Variants in NRXN1 observed in about 807,000 individuals in gnomAD.
NRXN1 encodes the protein neurexin-1.
Under a neutral mutation model 150.9 loss-of-function variants are expected in NRXN1, and 39 were observed. The ratio of observed to expected loss-of-function variants is 0.26; its 90% CI spans 0.20 to 0.34. NRXN1 has a LOEUF of 0.34. NRXN1 is among the 10% of genes least tolerant of loss of function. The pLI, the probability that NRXN1 is intolerant of heterozygous loss-of-function variation, is 1.00. For synonymous variants in NRXN1, 924 were observed against 757.0 expected (o/e 1.22, Z -3.62); for missense variants, 1,815 against 1,949.9 (o/e 0.93, Z 1.30).
chr2:50,765,166 A>G (rs1702241228), intron 5 of NRXN1, among the ~76,000 whole-genome samples: 1 of 152,010 alleles, frequency 6.6e-6, no homozygotes, highest in Admixed American at 6.6e-5. Context: ...TCGAAGCACA[A>G]TACATAATGT....
chr2:50,216,262 A>AT (rs2063391724), intron 18 of NRXN1, among the ~76,000 whole-genome samples: 1 of 151,990 alleles, frequency 6.6e-6, no homozygotes, highest in South Asian at 2.1e-4. Context: ...TCAGTGTCAA[A>AT]TGAGTTAATT....
rs557939895 is a variant in NRXN1 at position 50,476,892 on chromosome 2, GA to G, written c.3071-4422del. Among the ~76,000 whole-genome samples, 414 of 152,070 alleles carry G rather than the reference GA, an allele frequency of 2.7e-3. 4 individuals are homozygous for G. The highest frequency in any genetic ancestry group is 9.4e-3 in the African/African-American group (390 of 41,514). ...TAATTTGACACAAAGCGATTAAGAG[GA>G]CAAAAAAACTCTATGAAGCCCAAGG... On this transcript the variant is annotated intron_variant, in intron 15 of 22. Transcript: ENST00000401669.
At chr2:50,994,715 A>C (rs1402255556) in intron 2 of NRXN1, among the ~76,000 whole-genome samples, 2 of 152,098 alleles carry the variant, frequency 1.3e-5, no homozygotes, top group East Asian at 3.9e-4. Flanking sequence ...AGATAATATA[A>C]ATTACACATG....
chr2:50,380,608 T>C (rs1282153966), intron 17 of NRXN1, among the ~76,000 whole-genome samples: 1 of 152,076 alleles, frequency 6.6e-6, no homozygotes, highest in Non-Finnish European at 1.5e-5. Context: ...ACCTAGCCAC[T>C]AGGGATTGTG....
intron 11 of NRXN1, among the ~76,000 whole-genome samples, chr2:50,529,887 C>T (rs1470735022): frequency 6.6e-6 from 1 of 152,078 alleles, no homozygotes; most frequent in Admixed American, 6.6e-5. Flanking sequence ...TAATATTTAA[C>T]TTAATTTCAC....
At chr2:50,784,220 T>C (rs1315842266) in intron 5 of NRXN1, among the ~76,000 whole-genome samples, 1 of 152,128 alleles carries the variant, frequency 6.6e-6, no homozygotes, top group East Asian at 1.9e-4. Flanking sequence ...AAATATATCA[T>C]AAATGAATCG....
At chr2:50,426,628 A>G (rs1005801654) in intron 17 of NRXN1, among the ~76,000 whole-genome samples, 7 of 152,204 alleles carry the variant, frequency 4.6e-5, no homozygotes, top group African/African-American at 1.7e-4. Flanking sequence ...CCAATTCTTT[A>G]GAGGTCAGTC....
intron 17 of NRXN1, among the ~76,000 whole-genome samples, chr2:50,457,639 T>C (rs902248062): frequency 2.6e-5 from 4 of 152,074 alleles, no homozygotes; most frequent in Non-Finnish European, 4.4e-5. Flanking sequence ...AATAATTGAA[T>C]TTTTAAAATG....
At chr2:50,737,877 T>C (rs1387320315) in intron 5 of NRXN1, among the ~76,000 whole-genome samples, 2 of 152,264 alleles carry the variant, frequency 1.3e-5, no homozygotes, top group East Asian at 3.9e-4. Flanking sequence ...AAAGTATTTC[T>C]CTTTAAGAAA....
Position 50,347,521 on chromosome 2 carries a change from C to A in NRXN1, c.3365-110551G>T. On this transcript the variant is annotated intron_variant, in intron 17 of 22. Coordinates refer to ENST00000401669, the MANE Select transcript of NRXN1 (RefSeq NM_001330078.2). The surrounding 1 kb of genome is among the most constrained non-coding windows in gnomAD (Gnocchi z 4.9). ...CTCCATTCAGCCCCGGCCGGCTCGC[C>A]CGCTAGCGCCAGCCTCCCCCGGGCA... 6 of 1,043,954 alleles carry A rather than the reference C, an allele frequency of 5.7e-6. No homozygotes were observed. The highest frequency in any genetic ancestry group is 5.8e-6 in the Non-Finnish European group (5 of 864,688). 64.7% of individuals were successfully genotyped at this position (1,043,954 alleles called of 1,614,324 possible).
chr2:50,551,050 G>GGAAGAGGAAGAA (rs1335681510), intron 9 of NRXN1, among the ~76,000 whole-genome samples: 80 of 78,964 alleles, frequency 1.0e-3, no homozygotes, highest in African/African-American at 2.3e-3. Flanking sequence ...AAGAGGAAGA[G>GGAAGAGGAAGAA]GAAGAAGAAG....
chr2:50,494,289 T>C (rs1404457631), intron 15 of NRXN1, among the ~76,000 whole-genome samples: 1 of 152,186 alleles, frequency 6.6e-6, no homozygotes, highest in African/African-American at 2.4e-5. Context: ...TGAAGTTCAC[T>C]TATACTTACT....
chr2:50,521,297 A>G (rs1036799162), intron 12 of NRXN1, among the ~76,000 whole-genome samples: 2 of 152,222 alleles, frequency 1.3e-5, no homozygotes, highest in African/African-American at 4.8e-5. Flanking sequence ...CAATAGTACT[A>G]TGCATAAAAT....
intron 5 of NRXN1, among the ~76,000 whole-genome samples, chr2:50,839,374 T>A (rs964887642): frequency 1.3e-5 from 2 of 152,138 alleles, no homozygotes; most frequent in Non-Finnish European, 2.9e-5. Flanking sequence ...AAGGAAAGTG[T>A]CATAAAATAC....
chr2:50,493,022 T>C (rs1330071725), intron 15 of NRXN1, among the ~76,000 whole-genome samples: 1 of 152,198 alleles, frequency 6.6e-6, no homozygotes, highest in African/African-American at 2.4e-5. Flanking sequence ...CACAACATGA[T>C]TCTCAAGTAG....
intron 18 of NRXN1, among the ~76,000 whole-genome samples, chr2:50,179,757 A>C: frequency 6.6e-6 from 1 of 152,086 alleles, no homozygotes; most frequent in Non-Finnish European, 1.5e-5. Context: ...AATTTCCAGA[A>C]GAGCTCTTAA....
chr2:50,857,552 G>C (rs1175890787), intron 5 of NRXN1, among the ~76,000 whole-genome samples: 2 of 151,946 alleles, frequency 1.3e-5, no homozygotes, highest in South Asian at 2.1e-4. Context: ...TTAACATCTA[G>C]GTTTTCGAAG....
chr2:50,492,756 A>G (rs2091330426), intron 15 of NRXN1, among the ~76,000 whole-genome samples: 1 of 152,226 alleles, frequency 6.6e-6, no homozygotes, highest in African/African-American at 2.4e-5. Context: ...ACTTCAGCCC[A>G]GGGCTGGTAA....
At chr2:50,211,682 G>T (rs2063027978) in intron 18 of NRXN1, among the ~76,000 whole-genome samples, 1 of 151,258 alleles carries the variant, frequency 6.6e-6, no homozygotes, top group Admixed American at 6.6e-5. Flanking sequence ...CATAATGAAG[G>T]TTAAAGTTTA....
Sources: gnomAD v4.1 joint callset for allele counts (sites outside exome capture counted in the v4.1 genomes callset) on GRCh38, gnomAD v4.1.1 for gene constraint, Gnocchi (gnomAD v3.1) non-coding constraint, MANE v1.5 for transcripts, NCBI Gene and HGNC (gene_info 2026-07-23, HGNC 2026-07-21) for gene names.